ALOX5AP: variants seen among roughly 807,000 people sequenced by gnomAD.
ALOX5AP encodes the protein arachidonate 5-lipoxygenase activating protein.
ALOX5AP carries 9 observed loss-of-function variants against 18.5 expected under a neutral mutation model. The ratio of observed to expected loss-of-function variants is 0.49; its 90% CI spans 0.29 to 0.85. The LOEUF (loss-of-function observed/expected upper bound fraction) is 0.85. Among genes scored for constraint, ALOX5AP ranks in the 40% least tolerant of loss-of-function variants. The pLI is 0.08. For synonymous variants in ALOX5AP, 81 were observed against 78.6 expected, an observed-to-expected ratio of 1.03 and a Z score of -0.16; for missense variants, 172 against 202.5, an observed-to-expected ratio of 0.85 and a Z score of 0.91.
chr13:30,748,011 C>T (rs1467656912), intron 2 of ALOX5AP, among the ~76,000 whole-genome samples: 1 of 152,104 alleles, frequency 6.6e-6, no homozygotes, highest in Non-Finnish European at 1.5e-5. Context: ...CCTCTGCCTT[C>T]CGGGCTTAAG....
intron 2 of ALOX5AP, among the ~76,000 whole-genome samples, chr13:30,750,222 A>G (rs1951841889): frequency 6.6e-6 from 1 of 152,160 alleles, no homozygotes; most frequent in African/African-American, 2.4e-5. Flanking sequence ...GAGAATTCAC[A>G]TGGACCTCAG....
At chr13:30,736,057 C>A (rs1348350222) in intron 1 of ALOX5AP, among the ~76,000 whole-genome samples, 1 of 152,238 alleles carries the variant, frequency 6.6e-6, no homozygotes, top group Non-Finnish European at 1.5e-5. Context: ...TACTCAGATA[C>A]TGGGCTTTTC....
At chr13:30,724,558 G>A (rs556617525) in intron 1 of ALOX5AP, among the ~76,000 whole-genome samples, 16 of 152,312 alleles carry the variant, frequency 1.1e-4, no homozygotes, top group African/African-American at 3.8e-4. Context: ...GCTGTTTGGA[G>A]CCTTTGGAGT....
chr13:30,764,394 T>A lies in ALOX5AP; in HGVS notation c.*288T>A. 3.2e-6 allele frequency: 1 copy of A among 315,460 alleles called. No homozygotes were observed. 19.5% of individuals were successfully genotyped at this position (315,460 alleles called of 1,614,324 possible). A position where few individuals can be genotyped will look rare whatever the true frequency, so the allele number is the denominator to read the frequency against. On this transcript the variant is annotated 3_prime_UTR_variant, in exon 5 of 5. Coordinates refer to ENST00000380490, the MANE Select transcript of ALOX5AP (RefSeq NM_001629.4). ...TTTTGTGACCAGGTTTGTGTTTTCTTAAAATAAAATGCAGAGACATGTTTT... is the reference window on the plus strand; with the variant it reads ...TTTTGTGACCAGGTTTGTGTTTTCTAAAAATAAAATGCAGAGACATGTTTT...
rs1408261667 is a variant in ALOX5AP, at chr13:30,764,124, G to C, written c.*18G>C. 3 of 1,611,152 alleles carry C rather than the reference G, an allele frequency of 1.9e-6. No homozygotes were observed. The African/African-American group carries it at 4.0e-5, about 22-fold the overall frequency. ...TTCCCTAACTCTCTGCTGAATATGG[G>C]GTTGGTGTTCTCATCTAATCAATAC... On this transcript the variant is annotated 3_prime_UTR_variant, in exon 5 of 5. Coordinates refer to ENST00000380490, the MANE Select transcript of ALOX5AP (RefSeq NM_001629.4).
chr13:30,721,426 T>C (rs1050318640), intron 1 of ALOX5AP, among the ~76,000 whole-genome samples: 2 of 152,144 alleles, frequency 1.3e-5, no homozygotes, highest in Non-Finnish European at 2.9e-5. Flanking sequence ...CATTTATCTG[T>C]TTTTTTAAGT....
rs893256673 is a variant in ALOX5AP, at chr13:30,754,132, G to T, written c.242-1812G>T. The stretch of plus-strand genomic sequence containing the variant: ...TGCATGCCTGTAATGCCAGCTACTC[G>T]GGAGGCTGAGGCAGGAGAATCACTT... On this transcript the variant is annotated intron_variant, in intron 3 of 4. Coordinates refer to ENST00000380490, the MANE Select transcript of ALOX5AP (RefSeq NM_001629.4). 5.9e-5 allele frequency among the ~76,000 whole-genome samples: 9 copies of T among 152,220 alleles called. No homozygotes were observed. In the East Asian group the frequency reaches 1.7e-3, roughly 29 times the overall value.
At chr13:30,762,354 C>T (rs1593447715) in intron 4 of ALOX5AP, among the ~76,000 whole-genome samples, 1 of 152,018 alleles carries the variant, frequency 6.6e-6, no homozygotes, top group African/African-American at 2.4e-5. Flanking sequence ...TTTGGGAGGC[C>T]GAGGTGGGCA....
At chr13:30,725,790 A>G (rs1332213268) in intron 1 of ALOX5AP, among the ~76,000 whole-genome samples, 1 of 152,230 alleles carries the variant, frequency 6.6e-6, no homozygotes, top group Admixed American at 6.5e-5. Context: ...GTAATCTTAC[A>G]GCAAAGGAAG....
chr13:30,740,751 G>C (rs1014746180), intron 1 of ALOX5AP, among the ~76,000 whole-genome samples: 3 of 152,182 alleles, frequency 2.0e-5, no homozygotes, highest in Non-Finnish European at 4.4e-5. Flanking sequence ...AAGAAAAGGA[G>C]AGAATATGAT....
At chr13:30,714,434 T>C (rs1439996610) in intron 1 of ALOX5AP, among the ~76,000 whole-genome samples, 1 of 151,986 alleles carries the variant, frequency 6.6e-6, no homozygotes, top group East Asian at 1.9e-4. Context: ...CATCATCCAC[T>C]TGAGTGAGAA....
intron 3 of ALOX5AP, among the ~76,000 whole-genome samples, chr13:30,752,615 G>A (rs1171741440): frequency 1.3e-5 from 2 of 152,182 alleles, no homozygotes; most frequent in African/African-American, 4.8e-5. Flanking sequence ...AAGTTGGAAA[G>A]ACAAATCAAC....
At chr13:30,714,999 G>C (rs911299485) in intron 1 of ALOX5AP, among the ~76,000 whole-genome samples, 1 of 152,156 alleles carries the variant, frequency 6.6e-6, no homozygotes, top group Non-Finnish European at 1.5e-5. Flanking sequence ...TTTCCTGATA[G>C]GTCCTGAGGC....
chr13:30,758,730 G>A (rs1170631889), intron 4 of ALOX5AP, among the ~76,000 whole-genome samples: 1 of 152,130 alleles, frequency 6.6e-6, no homozygotes, highest in Non-Finnish European at 1.5e-5. Context: ...CAGCAGTGAA[G>A]GATGAATCTT....
chr13:30,744,238 AATACCAC>A (rs1249494333), intron 2 of ALOX5AP, 79 bp downstream of exon 2: 15 of 1,263,472 alleles, frequency 1.2e-5, no homozygotes, highest in Non-Finnish European at 1.7e-5. Context: ...GACCACCCTT[AATACCAC>A]ATGTCTGTCT....
chr13:30,752,233 G>A, intron 3 of ALOX5AP, 111 bp downstream of exon 3: 2 of 1,128,206 alleles, frequency 1.8e-6, no homozygotes, highest in Non-Finnish European at 2.6e-6. Flanking sequence ...GCTCCCATCT[G>A]TGAAGCCCTG....
intron 2 of ALOX5AP, 60 bp downstream of exon 2, chr13:30,744,219 A>G (rs946884399): frequency 1.4e-6 from 2 of 1,458,182 alleles, no homozygotes; most frequent in African/African-American, 2.8e-5. Flanking sequence ...GCCTCCTTCT[A>G]GGAGTGATGA....
At chr13:30,725,932 G>A (rs1282808656) in intron 1 of ALOX5AP, among the ~76,000 whole-genome samples, 2 of 152,130 alleles carry the variant, frequency 1.3e-5, no homozygotes, top group Non-Finnish European at 2.9e-5. Flanking sequence ...GCTGGCCTGG[G>A]GTTATGTCCT....
At chr13:30,738,094 G>A (rs527832282) in intron 1 of ALOX5AP, among the ~76,000 whole-genome samples, 8 of 152,162 alleles carry the variant, frequency 5.3e-5, no homozygotes, top group South Asian at 2.1e-4. Context: ...GATTTCCATG[G>A]TGTTACCAGG....
Sources: gnomAD v4.1 joint callset for allele counts (sites outside exome capture counted in the v4.1 genomes callset) on GRCh38, gnomAD v4.1.1 for gene constraint, MANE v1.5 for transcripts, NCBI Gene and HGNC (gene_info 2026-07-23, HGNC 2026-07-21) for gene names.